The following HMCN1 variants were observed in gnomAD, a reference collection of about 807,000 sequenced individuals.
HMCN1 encodes the protein hemicentin 1, also known as hemicentin-1.
A neutral mutation model predicts 625.9 loss-of-function variants in HMCN1; 321 were observed. That is an observed-to-expected ratio of 0.51 (90% CI 0.47 to 0.56). The LOEUF (loss-of-function observed/expected upper bound fraction) is 0.56. Ranked by LOEUF, HMCN1 falls within the 20% of genes least tolerant of loss-of-function variation. The pLI, the probability that HMCN1 is intolerant of heterozygous loss-of-function variation, is 0.00. For missense variants in HMCN1, 6,588 were observed against 6,887.3 expected (o/e 0.96, Z 1.54); for synonymous variants, 2,425 against 2,417.6 (o/e 1.00, Z -0.09).
intron 4 of HMCN1, among the ~76,000 whole-genome samples, chr1:185,867,878 G>T (rs944398407): frequency 2.6e-5 from 4 of 152,014 alleles, no homozygotes; most frequent in African/African-American, 9.7e-5. Flanking sequence ...AGACCAGCCT[G>T]GCCAACATGG....
In HMCN1 at chr1:185,852,676, G is replaced by A. The variant is rs541396974; in HGVS notation, c.339+6580G>A. On this transcript the variant is annotated intron_variant, in intron 2 of 106. Transcript: ENST00000271588. ...AATTTAGGGAAGAAAGTATGATAAG[G>A]CATTTAACTCATAGTATGCATAAAC... Among the ~76,000 whole-genome samples, 20 of 149,256 alleles carry A rather than the reference G, an allele frequency of 1.3e-4. No individual in the cohort carries two copies. In the South Asian group the frequency reaches 4.2e-3, roughly 31 times the overall value.
chr1:185,754,413 CT>C (rs1346547580), intron 1 of HMCN1, among the ~76,000 whole-genome samples: 1 of 151,790 alleles, frequency 6.6e-6, no homozygotes, highest in African/African-American at 2.4e-5. Context: ...TTTAATAAAC[CT>C]TTGATTAAAA....
intron 1 of HMCN1, among the ~76,000 whole-genome samples, chr1:185,820,261 T>C (rs76954684): frequency 0.018 from 2,748 of 152,294 alleles, 45 homozygotes; most frequent in Non-Finnish European, 0.027. Flanking sequence ...GATTAGCCTT[T>C]TTCATTTCTT....
At chr1:185,773,114 T>C (rs943809345) in intron 1 of HMCN1, among the ~76,000 whole-genome samples, 1 of 152,108 alleles carries the variant, frequency 6.6e-6, no homozygotes, top group Non-Finnish European at 1.5e-5. Flanking sequence ...TCATGGTTAG[T>C]GTATGCCAGT....
At chr1:186,103,304 G>T (rs139071716) in intron 68 of HMCN1, among the ~76,000 whole-genome samples, 168 bp from the exon 69 acceptor site, 33 of 152,224 alleles carry the variant, frequency 2.2e-4, no homozygotes, top group Admixed American at 2.2e-3. Flanking sequence ...CCTTTTGAAA[G>T]TGTGTCAATG....
intron 1 of HMCN1, among the ~76,000 whole-genome samples, chr1:185,834,986 G>A (rs1661082494): frequency 6.6e-6 from 1 of 152,040 alleles, no homozygotes; most frequent in South Asian, 2.1e-4. Flanking sequence ...AGATTATGTT[G>A]GAAACAGTGA....
In HMCN1 at chr1:185,908,715, T is replaced by C. The variant is rs542474639; in HGVS notation, c.622-622T>C. On this transcript the variant is annotated intron_variant, in intron 4 of 106. Transcript: ENST00000271588. ...TAACCTGAAATATTTTTCTATTCTC[T>C]TTAATGCAATGCTTTTCCCATTATA... is the stretch of plus-strand genomic sequence containing the variant. Among the ~76,000 whole-genome samples the C allele has an allele frequency of 2.3e-3, 356 of 151,840 alleles. 1 individual carries two copies. Among genetic ancestry groups the C allele is most frequent in the African/African-American group, 8.2e-3 (340 of 41,506 alleles).
chr1:185,811,065 A>G (rs1659483977), intron 1 of HMCN1, among the ~76,000 whole-genome samples: 1 of 152,156 alleles, frequency 6.6e-6, no homozygotes, highest in Non-Finnish European at 1.5e-5. Context: ...CTGATATTCA[A>G]TCTGAAATTT....
Position 185,970,463 on chromosome 1 carries a change from G to A in HMCN1, c.2341G>A (p.Ala781Thr), listed in dbSNP as rs373420508. 1.5e-5 allele frequency: 24 copies of A among 1,613,834 alleles called. No homozygotes were observed. The highest frequency in any genetic ancestry group is 8.3e-5 in the Admixed American group (5 of 60,000). The change falls in exon 15 of 107, where the codon GCA becomes ACA. Residue 781 changes from alanine (A) to threonine (T), a missense_variant. Coordinates refer to ENST00000271588, the MANE Select transcript of HMCN1 (RefSeq NM_031935.3). The stretch of plus-strand genomic sequence containing the variant: ...TGTAGCCATCAATGAGGCTGGAAGA[G>A]CAACTGGCAAGATAACTCTGGATGT... ...TCVAINEAGR[A>T]TGKITLDVGS...
chr1:186,120,141 CCAAGGTACCTAAATAATT>C lies in HMCN1; in HGVS notation c.12228_12229+16del, dbSNP rs1254303342. The C allele has an allele frequency of 1.2e-6, 2 of 1,613,666 alleles. No individual in the cohort carries two copies. Among genetic ancestry groups the C allele is most frequent in the Non-Finnish European group, 1.7e-6 (2 of 1,179,804 alleles). On this transcript the variant is annotated splice_donor_variant and splice_donor_5th_base_variant and coding_sequence_variant and intron_variant, in exon 80 of 107. Coordinates refer to ENST00000271588, the MANE Select transcript of HMCN1 (RefSeq NM_031935.3). LOFTEE classifies it high-confidence loss of function. ...CCTTGGGCAAAATCAAGTTAAATGT[CCAAGGTACCTAAATAATT>C]CATCTCTGTTTTCAATTCAAAGATG...
intron 16 of HMCN1, among the ~76,000 whole-genome samples, chr1:185,978,335 A>T (rs569098717): frequency 3.3e-5 from 5 of 152,264 alleles, no homozygotes; most frequent in Admixed American, 2.0e-4. Flanking sequence ...ATAAAATATT[A>T]CTATTAGTTA....
At chr1:185,788,423 CAT>C (rs1657769824) in intron 1 of HMCN1, among the ~76,000 whole-genome samples, 1 of 152,130 alleles carries the variant, frequency 6.6e-6, no homozygotes, top group South Asian at 2.1e-4. Context: ...ACATGTAAAA[CAT>C]GTGGAACTTG....
At chr1:186,027,883 C>T (rs1274215109) in intron 36 of HMCN1, among the ~76,000 whole-genome samples, 1 of 152,070 alleles carries the variant, frequency 6.6e-6, no homozygotes, top group African/African-American at 2.4e-5. Flanking sequence ...TGCTAACACC[C>T]ACTCAAAAAT....
intron 19 of HMCN1, among the ~76,000 whole-genome samples, chr1:185,986,774 C>T (rs938013736): frequency 4.8e-5 from 7 of 145,808 alleles, no homozygotes; most frequent in African/African-American, 1.8e-4. Context: ...AGGAGGATTG[C>T]GTGAGCCTAG....
chr1:186,016,488 C>T (rs773693580), intron 32 of HMCN1, among the ~76,000 whole-genome samples: 2 of 151,960 alleles, frequency 1.3e-5, no homozygotes, highest in African/African-American at 4.8e-5. Flanking sequence ...TACATTTTTA[C>T]GTCTATGACA....
intron 4 of HMCN1, 141 bp downstream of exon 4, chr1:185,866,004 T>C (rs1475099960): frequency 4.1e-6 from 3 of 738,066 alleles, no homozygotes; most frequent in Non-Finnish European, 6.8e-6. Context: ...AATAAAGGCA[T>C]TGAATAATGT....
At chr1:186,004,686 G>A (rs1443119439) in intron 29 of HMCN1, among the ~76,000 whole-genome samples, 1 of 152,076 alleles carries the variant, frequency 6.6e-6, no homozygotes, top group African/African-American at 2.4e-5. Context: ...TGATGGGGAG[G>A]ATGTAAATTA....
chr1:185,783,408 G>C (rs1657293086), intron 1 of HMCN1, among the ~76,000 whole-genome samples: 1 of 152,174 alleles, frequency 6.6e-6, no homozygotes, highest in African/African-American at 2.4e-5. Context: ...TTTCTTTGGA[G>C]GGGGAGAGGT....
At chr1:186,172,808 C>T (rs1224033734) in intron 102 of HMCN1, among the ~76,000 whole-genome samples, 4 of 152,006 alleles carry the variant, frequency 2.6e-5, no homozygotes, top group African/African-American at 9.7e-5. Context: ...TCCACTATAC[C>T]CCCTCCCCCC....
Sources: gnomAD v4.1 joint callset for allele counts (sites outside exome capture counted in the v4.1 genomes callset) on GRCh38, gnomAD v4.1.1 for gene constraint, MANE v1.5 for transcripts, NCBI Gene and HGNC (gene_info 2026-07-23, HGNC 2026-07-21) for gene names.